UBASH3B: variants seen among roughly 807,000 people sequenced by gnomAD.
UBASH3B encodes ubiquitin associated and SH3 domain containing B, also known as ubiquitin-associated and SH3 domain-containing protein B.
In UBASH3B, 37 loss-of-function variants were observed where a neutral mutation model predicts 83.4. The observed-to-expected ratio is 0.44, with a 90% CI of 0.34 to 0.58. UBASH3B has a LOEUF of 0.58. Among genes scored for constraint, UBASH3B ranks in the 20% least tolerant of loss-of-function variants. UBASH3B has a pLI of 0.01. For synonymous variants in UBASH3B, 304 were observed against 318.3 expected, an observed-to-expected ratio of 0.96 and a Z score of 0.48; for missense variants, 657 against 827.2, an observed-to-expected ratio of 0.79 and a Z score of 2.52.
At chr11:122,698,000 C>T (rs1032471019) in intron 1 of UBASH3B, among the ~76,000 whole-genome samples, 4 of 152,156 alleles carry the variant, frequency 2.6e-5, no homozygotes, top group African/African-American at 7.2e-5. Flanking sequence ...AGTTGCATAA[C>T]GAGTCAGTGA....
chr11:122,701,327 T>C (rs1864037813), intron 1 of UBASH3B, among the ~76,000 whole-genome samples: 2 of 152,150 alleles, frequency 1.3e-5, no homozygotes, highest in African/African-American at 4.8e-5. Context: ...TAATATGAAG[T>C]GCAAAAAGTT....
Position 122,806,174 on chromosome 11 carries a change from T to A in UBASH3B, c.1596-236T>A, listed in dbSNP as rs4936749. On this transcript the variant is annotated intron_variant, in intron 11 of 13. Coordinates refer to ENST00000284273, the MANE Select transcript of UBASH3B (RefSeq NM_032873.5). The surrounding 1 kb of genome is among the most constrained non-coding windows in gnomAD (Gnocchi z 4.0). ...AGTGAAACATGCACTGAATGTCTCA[T>A]TTTTCACCTGGTCACTGTAACGCCA... 0.43 allele frequency among the ~76,000 whole-genome samples: 65,367 copies of A among 152,024 alleles called. 14,933 individuals carry two copies. The highest frequency in any genetic ancestry group is 0.61 in the Middle Eastern group (180 of 294).
chr11:122,674,467 G>A (rs1037760466), intron 1 of UBASH3B, among the ~76,000 whole-genome samples: 2 of 147,830 alleles, frequency 1.4e-5, no homozygotes, highest in African/African-American at 5.0e-5. Context: ...TGCAAGCTCC[G>A]CCTCCCCGGT....
intron 1 of UBASH3B, among the ~76,000 whole-genome samples, chr11:122,666,442 G>A (rs191022558): frequency 2.0e-5 from 3 of 151,516 alleles, no homozygotes; most frequent in East Asian, 1.9e-4. Context: ...GTTTTGAGAC[G>A]GAGTCTCGCC....
intron 1 of UBASH3B, among the ~76,000 whole-genome samples, chr11:122,705,100 C>T (rs906555492): frequency 8.5e-5 from 13 of 152,192 alleles, no homozygotes; most frequent in Admixed American, 7.9e-4. Flanking sequence ...ACAGTTTGCC[C>T]TCCTAGCTGC....
Position 122,813,112 on chromosome 11 carries a change from T to TA in UBASH3B, c.*3232dup, listed in dbSNP as rs1484838582. 1 of 152,498 alleles carries TA rather than the reference T, an allele frequency of 6.6e-6. No homozygotes were observed. The highest frequency in any genetic ancestry group is 1.9e-4 in the East Asian group (1 of 5,204). The allele number at this position is 152,498 out of a possible 1,614,324, so 9.4% of individuals were successfully genotyped here. A position where few individuals can be genotyped will look rare whatever the true frequency, so the allele number is the denominator to read the frequency against. On this transcript the variant is annotated 3_prime_UTR_variant, in exon 14 of 14. Coordinates refer to ENST00000284273, the MANE Select transcript of UBASH3B (RefSeq NM_032873.5). ...AGATGATTTTGCAAAAAATAAAAAATAAAAAATATGCCTTCTGGAGTGATG... is the reference window on the plus strand; with the variant it reads ...AGATGATTTTGCAAAAAATAAAAAATAAAAAAATATGCCTTCTGGAGTGATG...
intron 1 of UBASH3B, among the ~76,000 whole-genome samples, chr11:122,747,770 T>G (rs1330158440): frequency 3.3e-5 from 5 of 152,186 alleles, no homozygotes; most frequent in Non-Finnish European, 7.4e-5. Context: ...ATGCCAAAGT[T>G]TAAGTAAGCT....
intron 1 of UBASH3B, among the ~76,000 whole-genome samples, chr11:122,756,803 CT>C (rs1459725302): frequency 1.3e-5 from 2 of 152,196 alleles, no homozygotes; most frequent in Non-Finnish European, 2.9e-5. Flanking sequence ...CAAATTAACA[CT>C]GGACCAAAGA....
intron 1 of UBASH3B, among the ~76,000 whole-genome samples, chr11:122,693,316 G>T (rs1182981368): frequency 6.6e-6 from 1 of 152,184 alleles, no homozygotes; most frequent in Non-Finnish European, 1.5e-5. Context: ...CAGGTCACAG[G>T]AGATATGATG....
At chr11:122,746,692 T>C (rs1861123438) in intron 1 of UBASH3B, among the ~76,000 whole-genome samples, 1 of 152,244 alleles carries the variant, frequency 6.6e-6, no homozygotes, top group Non-Finnish European at 1.5e-5. Flanking sequence ...GCTGCTCTGC[T>C]ATCTGTGGTG....
intron 1 of UBASH3B, among the ~76,000 whole-genome samples, chr11:122,674,913 G>C (rs1341876946): frequency 6.6e-6 from 1 of 151,798 alleles, no homozygotes; most frequent in Admixed American, 6.6e-5. Context: ...ATTTTTTGTA[G>C]AGACAGGGTT....
At chr11:122,788,992 C>A in intron 5 of UBASH3B, 108 bp from the exon 6 acceptor site, 1 of 1,019,594 alleles carries the variant, frequency 9.8e-7, no homozygotes, top group Non-Finnish European at 1.5e-6. Flanking sequence ...CTGGGCACAT[C>A]GCCCTCTGGA....
chr11:122,675,159 G>A (rs989782749), intron 1 of UBASH3B, among the ~76,000 whole-genome samples: 3 of 152,202 alleles, frequency 2.0e-5, no homozygotes, highest in African/African-American at 4.8e-5. Context: ...TATTAGACCC[G>A]TGTTTATGGT....
At chr11:122,660,432 C>T (rs1417535341) in intron 1 of UBASH3B, among the ~76,000 whole-genome samples, 2 of 152,142 alleles carry the variant, frequency 1.3e-5, no homozygotes, top group African/African-American at 4.8e-5. Flanking sequence ...GGTCCAGCTT[C>T]CTTGAGGCTA....
intron 1 of UBASH3B, among the ~76,000 whole-genome samples, chr11:122,681,432 C>T (rs1237261613): frequency 6.6e-6 from 1 of 152,066 alleles, no homozygotes; most frequent in Non-Finnish European, 1.5e-5. Context: ...TGGTTTTGGA[C>T]ACAGAAAGGC....
At chr11:122,700,995 C>T (rs1014795926) in intron 1 of UBASH3B, among the ~76,000 whole-genome samples, 1 of 152,176 alleles carries the variant, frequency 6.6e-6, no homozygotes, top group Non-Finnish European at 1.5e-5. Flanking sequence ...AGAATCATCA[C>T]GTCTCATCAC....
intron 1 of UBASH3B, among the ~76,000 whole-genome samples, chr11:122,760,904 G>A (rs1435822932): frequency 6.6e-6 from 1 of 152,118 alleles, no homozygotes; most frequent in African/African-American, 2.4e-5. Context: ...TAACTATACT[G>A]GTCATCTCTT....
In UBASH3B at chr11:122,731,146, A is replaced by C. The variant is rs868167707; in HGVS notation, c.162-45073A>C. Among the ~76,000 whole-genome samples the C allele has an allele frequency of 5.3e-5, 8 of 152,348 alleles. No individual in the cohort carries two copies. In the East Asian group the frequency reaches 1.5e-3, roughly 29 times the overall value. On this transcript the variant is annotated intron_variant, in intron 1 of 13. Coordinates refer to ENST00000284273, the MANE Select transcript of UBASH3B (RefSeq NM_032873.5). ...TGCCAATCGGATTCTGTTTCAGGTC[A>C]TGTCTTCCACCCACAAATTTAACAC...
chr11:122,756,774 G>C (rs904320446), intron 1 of UBASH3B, among the ~76,000 whole-genome samples: 1 of 152,198 alleles, frequency 6.6e-6, no homozygotes, highest in Admixed American at 6.5e-5. Flanking sequence ...CCTATGAAGG[G>C]GGTCCTCAAG....
Sources: allele counts gnomAD v4.1 joint callset (sites outside exome capture counted in the v4.1 genomes callset), GRCh38; gene constraint gnomAD v4.1.1; non-coding constraint Gnocchi (gnomAD v3.1); transcripts MANE v1.5; gene names NCBI Gene and HGNC (gene_info 2026-07-23, HGNC 2026-07-21).